Variants in RHBDD1 observed in about 807,000 individuals in gnomAD.
RHBDD1 encodes the protein rhomboid-related protein 4.
In RHBDD1, 38 loss-of-function variants were observed where a neutral mutation model predicts 36.3. That is an observed-to-expected ratio of 1.05 (90% CI 0.81 to 1.37). RHBDD1 has a LOEUF of 1.37. RHBDD1 is among the 40% of genes most tolerant of loss of function. The pLI is 0.00. For missense variants in RHBDD1, 393 were observed against 377.6 expected, an observed-to-expected ratio of 1.04 and a Z score of -0.34; for synonymous variants, 151 against 136.5, an observed-to-expected ratio of 1.11 and a Z score of -0.74.
At chr2:226,962,775 TA>T (rs1277978386) in intron 8 of RHBDD1, among the ~76,000 whole-genome samples, 4 of 152,240 alleles carry the variant, frequency 2.6e-5, no homozygotes, top group African/African-American at 9.6e-5. Flanking sequence ...CGTTTCTACC[TA>T]TTTTAATGCC....
intron 3 of RHBDD1, among the ~76,000 whole-genome samples, chr2:226,843,282 A>C (rs891524601): frequency 1.3e-5 from 2 of 152,008 alleles, no homozygotes; most frequent in Non-Finnish European, 2.9e-5. Flanking sequence ...GCCTGATTGC[A>C]CTGGCCAGAA....
At chr2:226,990,487 A>G (rs1346661288) in intron 8 of RHBDD1, among the ~76,000 whole-genome samples, 1 of 152,200 alleles carries the variant, frequency 6.6e-6, no homozygotes, top group Non-Finnish European at 1.5e-5. Flanking sequence ...ACTGCATGGC[A>G]TAGTGCGTTC....
At chr2:226,931,599 A>G (rs189257828) in intron 8 of RHBDD1, among the ~76,000 whole-genome samples, 58 of 152,202 alleles carry the variant, frequency 3.8e-4, no homozygotes, top group East Asian at 3.3e-3. Flanking sequence ...CCACTATACA[A>G]TTCATCCATG....
intron 1 of RHBDD1, among the ~76,000 whole-genome samples, chr2:226,836,826 G>T (rs1296322362): frequency 6.6e-6 from 1 of 152,174 alleles, no homozygotes; most frequent in Non-Finnish European, 1.5e-5. Context: ...ACAGTTGTGT[G>T]TCTTTTTGAG....
rs777090593 is a variant in RHBDD1, at chr2:226,914,258, G to A, written c.763G>A (p.Glu255Lys). 6.2e-7 allele frequency: 1 copy of A among 1,613,856 alleles called. No individual in the cohort carries two copies. The highest frequency in any genetic ancestry group is 1.1e-5 in the South Asian group (1 of 91,074). The change falls in exon 8 of 9, where the codon GAA becomes AAA. Residue 255 changes from glutamate (E) to lysine (K), a missense_variant. Glu to Lys is a moderately conservative substitution (Grantham distance 56, BLOSUM62 1). Transcript: ENST00000392062. ...TCCGCATGGCAGGCCAGATCACTAT[G>A]AAGAAGCACCCAGGAACTATGACAC... Reference protein sequence around the residue: ...YYPHGRPDHYEEAPRNYDTYT... With the variant: ...YYPHGRPDHYKEAPRNYDTYT...
At chr2:226,967,503 T>G (rs1952733557) in intron 8 of RHBDD1, among the ~76,000 whole-genome samples, 1 of 151,804 alleles carries the variant, frequency 6.6e-6, no homozygotes, top group Admixed American at 6.6e-5. Context: ...CATTTAACAT[T>G]AGGTATATCT....
chr2:226,813,892 C>T, the RHBDD1 span, among the ~76,000 whole-genome samples: 1 of 152,172 alleles, frequency 6.6e-6, no homozygotes, highest in Admixed American at 6.5e-5. Context: ...ATTACAAAAT[C>T]GTTACAGAAA....
intron 3 of RHBDD1, among the ~76,000 whole-genome samples, chr2:226,844,032 A>G (rs917490314): frequency 6.6e-6 from 1 of 152,072 alleles, no homozygotes; most frequent in South Asian, 2.1e-4. Flanking sequence ...GAATTTAGCC[A>G]TTTCTTCTAG....
chr2:226,986,945 C>T (rs1016055007), intron 8 of RHBDD1, among the ~76,000 whole-genome samples: 9 of 152,214 alleles, frequency 5.9e-5, no homozygotes, highest in Middle Eastern at 6.8e-3. Context: ...CATCAGTGAT[C>T]GACTGGATAA....
At chr2:226,973,923 C>T (rs1031845316) in intron 8 of RHBDD1, among the ~76,000 whole-genome samples, 1 of 152,182 alleles carries the variant, frequency 6.6e-6, no homozygotes, top group Non-Finnish European at 1.5e-5. Flanking sequence ...ATCTCCTTTT[C>T]GTTCGCATGG....
chr2:226,818,869 AC>A, the RHBDD1 span, among the ~76,000 whole-genome samples: 1 of 151,990 alleles, frequency 6.6e-6, no homozygotes. Context: ...AAACAAAAAA[AC>A]AAAAAACAGA....
intron 8 of RHBDD1, among the ~76,000 whole-genome samples, chr2:226,983,949 G>A (rs932795612): frequency 4.6e-5 from 7 of 152,206 alleles, no homozygotes; most frequent in African/African-American, 1.7e-4. Context: ...ATGGTGTGGG[G>A]GATCTTGTTA....
chr2:226,814,238 C>T, the RHBDD1 span, among the ~76,000 whole-genome samples: 1 of 151,492 alleles, frequency 6.6e-6, no homozygotes. Flanking sequence ...CAACCTGTAA[C>T]CAACACAACA....
At chr2:226,859,685 G>A (rs893218229) in intron 3 of RHBDD1, among the ~76,000 whole-genome samples, 1 of 152,218 alleles carries the variant, frequency 6.6e-6, no homozygotes, top group Non-Finnish European at 1.5e-5. Context: ...GGGAGCACCT[G>A]TGTGACTGGA....
At chr2:226,878,702 C>T (rs756587300) in intron 5 of RHBDD1, among the ~76,000 whole-genome samples, 7 of 152,104 alleles carry the variant, frequency 4.6e-5, no homozygotes, top group Admixed American at 4.6e-4. Flanking sequence ...GAGCAGAGAC[C>T]GACCACCCCG....
chr2:226,899,907 A>T (rs1947446350), intron 5 of RHBDD1, among the ~76,000 whole-genome samples: 1 of 152,244 alleles, frequency 6.6e-6, no homozygotes. Context: ...CAATAAGTTA[A>T]TGAACTTGAG....
At chr2:226,911,987 T>C (rs1948550412) in intron 7 of RHBDD1, among the ~76,000 whole-genome samples, 1 of 152,218 alleles carries the variant, frequency 6.6e-6, no homozygotes, top group African/African-American at 2.4e-5. Context: ...CTTTTTCTTT[T>C]ACTTTCAAGG....
chr2:226,974,523 C>T (rs1954205321), intron 8 of RHBDD1, among the ~76,000 whole-genome samples: 1 of 152,224 alleles, frequency 6.6e-6, no homozygotes, highest in South Asian at 2.1e-4. Flanking sequence ...AGGCGTGAGC[C>T]ACCGTGCCCG....
intron 3 of RHBDD1, among the ~76,000 whole-genome samples, chr2:226,852,287 A>G (rs1211804862): frequency 2.0e-5 from 3 of 152,116 alleles, no homozygotes; most frequent in Non-Finnish European, 4.4e-5. Flanking sequence ...TATAGCTGCC[A>G]CCTTTGTTTC....
Sources: gnomAD v4.1 joint callset for allele counts (sites outside exome capture counted in the v4.1 genomes callset) on GRCh38, gnomAD v4.1.1 for gene constraint, MANE v1.5 for transcripts, NCBI Gene and HGNC (gene_info 2026-07-23, HGNC 2026-07-21) for gene names.